Variants in IL21R observed in about 807,000 individuals in gnomAD.
The protein encoded by IL21R is interleukin 21 receptor, also known as interleukin-21 receptor.
Under a neutral mutation model 41.3 loss-of-function variants are expected in IL21R, and 14 were observed. The ratio of observed to expected loss-of-function variants is 0.34; its 90% CI spans 0.22 to 0.53. The LOEUF is 0.53. Among genes scored for constraint, IL21R ranks in the 20% least tolerant of loss-of-function variants. The pLI, the probability that IL21R is intolerant of heterozygous loss-of-function variation, is 0.94. For missense variants in IL21R, 588 were observed against 681.6 expected (o/e 0.86, Z 1.53); for synonymous variants, 286 against 287.6 (o/e 0.99, Z 0.05).
chr16:27,448,958 T>C lies in IL21R; in HGVS notation c.1292T>C (p.Val431Ala). The change falls in exon 9 of 9, where the codon GTC becomes GCC. Residue 431 changes from valine to alanine, a missense_variant. Coordinates refer to ENST00000337929, the MANE Select transcript of IL21R (RefSeq NM_181078.3). ...ACCACAGTCCTGTCCTGTGGCTGTG[T>C]CTCAGCTGGCAGCCCTGGGCTAGGA... Reference protein sequence around the residue: ...AGTTVLSCGCVSAGSPGLGGP... With the variant: ...AGTTVLSCGCASAGSPGLGGP... The C allele has an allele frequency of 6.2e-7, 1 of 1,613,228 alleles. No individual in the cohort carries two copies. The highest frequency in any genetic ancestry group is 2.2e-5 in the East Asian group (1 of 44,870).
At chr16:27,406,016 C>T (rs1596562612) in intron 1 of IL21R, among the ~76,000 whole-genome samples, 1 of 152,282 alleles carries the variant, frequency 6.6e-6, no homozygotes, top group Admixed American at 6.5e-5. Flanking sequence ...CCTGCCATCC[C>T]CCACTGTGTG....
chr16:27,427,464 T>A, intron 1 of IL21R: 1 of 317,520 alleles, frequency 3.1e-6, no homozygotes, highest in Non-Finnish European at 4.6e-6. Flanking sequence ...AGTGCAATCA[T>A]GGCTCACTGC....
chr16:27,450,876 G>C lies in IL21R; in HGVS notation c.*1593G>C, dbSNP rs1052888078. On this transcript the variant is annotated 3_prime_UTR_variant, in exon 9 of 9. Transcript: ENST00000337929. ...CTAGCTCACCCATGCTTTTGCAACA[G>C]GGTCGGGTTGGAAGTCAGCACAGGT... 3.4e-5 allele frequency: 8 copies of C among 233,064 alleles called. No homozygotes were observed. The highest frequency in any genetic ancestry group is 1.5e-4 in the African/African-American group (7 of 45,346). 14.4% of individuals were successfully genotyped at this position (233,064 alleles called of 1,614,324 possible). A position where few individuals can be genotyped will look rare whatever the true frequency, so the allele number is the denominator to read the frequency against.
rs547898648 is a variant in IL21R, at chr16:27,417,785, G to GA, written c.-16-12265dup. On this transcript the variant is annotated intron_variant, in intron 1 of 8. Coordinates refer to ENST00000337929, the MANE Select transcript of IL21R (RefSeq NM_181078.3). The stretch of plus-strand genomic sequence containing the variant: ...ACAGTGAAAACATAATATAAAATAT[G>GA]AAAAAACGGCACACCTGTGTAGGGC... Among the ~76,000 whole-genome samples, 642 of 152,134 alleles carry GA rather than the reference G, an allele frequency of 4.2e-3. 1 individual carries two copies. The highest frequency in any genetic ancestry group is 6.8e-3 in the Non-Finnish European group (462 of 67,998).
At chr16:27,429,889 G>A (rs1206760991) in intron 1 of IL21R, among the ~76,000 whole-genome samples, 167 bp from the exon 2 acceptor site, 1 of 152,208 alleles carries the variant, frequency 6.6e-6, no homozygotes, top group Non-Finnish European at 1.5e-5. Context: ...CCATTTCTAA[G>A]AGGTGGGAGT....
At chr16:27,437,881 C>A (rs1218473326) in intron 4 of IL21R, among the ~76,000 whole-genome samples, 194 bp downstream of exon 4, 1 of 152,120 alleles carries the variant, frequency 6.6e-6, no homozygotes, top group African/African-American at 2.4e-5. Flanking sequence ...CCAGGCCAGT[C>A]TCGAACTCCT....
intron 1 of IL21R, among the ~76,000 whole-genome samples, chr16:27,410,798 A>G (rs1196245292): frequency 6.6e-6 from 1 of 152,204 alleles, no homozygotes; most frequent in Non-Finnish European, 1.5e-5. Context: ...GTGAAACTCT[A>G]TACCCATTGA....
At chr16:27,415,086 C>T (rs1433171290) in intron 1 of IL21R, among the ~76,000 whole-genome samples, 2 of 152,194 alleles carry the variant, frequency 1.3e-5, no homozygotes, top group East Asian at 3.8e-4. Flanking sequence ...TCATCCATAT[C>T]AATTTGTTAG....
At chr16:27,404,240 A>G (rs74016072) in intron 1 of IL21R, among the ~76,000 whole-genome samples, 1 of 152,236 alleles carries the variant, frequency 6.6e-6, no homozygotes, top group African/African-American at 2.4e-5. Flanking sequence ...TCAGTCCCAC[A>G]GTGGAGGTAG....
chr16:27,403,283 G>C (rs2086689332), intron 1 of IL21R: 1 of 1,307,608 alleles, frequency 7.6e-7, no homozygotes, highest in South Asian at 1.2e-5. Context: ...GTCAGTGGAG[G>C]CTGAGCCTTG....
intron 1 of IL21R, among the ~76,000 whole-genome samples, chr16:27,406,773 C>CT (rs1409778328): frequency 6.6e-6 from 1 of 152,152 alleles, no homozygotes; most frequent in African/African-American, 2.4e-5. Flanking sequence ...CGCATCCAGG[C>CT]TAAGCCTGCT....
intron 1 of IL21R, among the ~76,000 whole-genome samples, chr16:27,418,109 G>C (rs944739632): frequency 6.8e-6 from 1 of 147,730 alleles, no homozygotes; most frequent in Non-Finnish European, 1.5e-5. Context: ...TCGCTCTATC[G>C]CCCAGGCTGG....
At chr16:27,442,138 G>A (rs2087398227) in intron 4 of IL21R, among the ~76,000 whole-genome samples, 1 of 152,182 alleles carries the variant, frequency 6.6e-6, no homozygotes, top group Non-Finnish European at 1.5e-5. Context: ...TCATGTGTGT[G>A]CGTGTGCATT....
chr16:27,433,160 T>C (rs758557519), intron 2 of IL21R, among the ~76,000 whole-genome samples: 83 of 152,200 alleles, frequency 5.5e-4, no homozygotes, highest in Non-Finnish European at 6.5e-4. Flanking sequence ...CCACCAAAAA[T>C]GAACCTACTT....
At chr16:27,403,658 G>A (rs1340656188) in intron 1 of IL21R, among the ~76,000 whole-genome samples, 2 of 152,204 alleles carry the variant, frequency 1.3e-5, no homozygotes, top group African/African-American at 4.8e-5. Context: ...CCTCAGGGCC[G>A]AACAGGGTGA....
At chr16:27,445,450 C>T (rs1271597803) in intron 7 of IL21R, among the ~76,000 whole-genome samples, 174 bp downstream of exon 7, 3 of 152,164 alleles carry the variant, frequency 2.0e-5, no homozygotes, top group Non-Finnish European at 4.4e-5. Flanking sequence ...CTCCCTTCAC[C>T]CCCATGGCTG....
intron 1 of IL21R, among the ~76,000 whole-genome samples, chr16:27,423,481 C>G (rs758456764): frequency 6.6e-6 from 1 of 152,194 alleles, no homozygotes; most frequent in Non-Finnish European, 1.5e-5. Flanking sequence ...TCTCACACCC[C>G]CTCCTTTTCC....
At position 27,420,636 on chromosome 16, in the gene IL21R, C is replaced by T. The variant is rs115550909; in HGVS notation, c.-16-9420C>T. 3.3e-3 allele frequency among the ~76,000 whole-genome samples: 499 copies of T among 152,250 alleles called. 2 individuals are homozygous for T. The highest frequency in any genetic ancestry group is 0.011 in the African/African-American group (473 of 41,566). ...GAAATGTCTATCCAAATCTTTTGCC[C>T]ATTTTAAATTTTAATTCTTGCCTTT... On this transcript the variant is annotated intron_variant, in intron 1 of 8. Coordinates refer to ENST00000337929, the MANE Select transcript of IL21R (RefSeq NM_181078.3).
At chr16:27,419,816 TTTATTATTATTATTATTATTA>T (rs57138211) in intron 1 of IL21R, among the ~76,000 whole-genome samples, 3 of 148,020 alleles carry the variant, frequency 2.0e-5, no homozygotes, top group Non-Finnish European at 3.0e-5. Context: ...AGTAACATAG[TTTATTATTATTATTATTATTA>T]TTATTATTAT....
Sources: allele counts gnomAD v4.1 joint callset (sites outside exome capture counted in the v4.1 genomes callset), GRCh38; gene constraint gnomAD v4.1.1; transcripts MANE v1.5; gene names NCBI Gene and HGNC (gene_info 2026-07-23, HGNC 2026-07-21).